The following FRMD4B variants were observed in gnomAD, a reference collection of about 807,000 sequenced individuals.
The protein encoded by FRMD4B is FERM domain containing 4B.
A neutral mutation model predicts 141.5 loss-of-function variants in FRMD4B; 74 were observed. The ratio of observed to expected loss-of-function variants is 0.52; its 90% CI spans 0.43 to 0.63. The LOEUF is 0.63. FRMD4B is among the 30% of genes least tolerant of loss of function. FRMD4B has a pLI of 0.00. For synonymous variants in FRMD4B, 506 were observed against 467.9 expected (o/e 1.08, Z -1.05); for missense variants, 1,366 against 1,253.4 (o/e 1.09, Z -1.36).
chr3:69,216,345 T>A lies in FRMD4B; in HGVS notation c.794A>T (p.Lys265Met). 1 of 1,528,722 alleles carries A rather than the reference T, an allele frequency of 6.5e-7. No individual in the cohort carries two copies. 94.7% of individuals were successfully genotyped at this position (1,528,722 alleles called of 1,614,324 possible). A position where few individuals can be genotyped will look rare whatever the true frequency, so the allele number is the denominator to read the frequency against. Residue 265 changes from lysine to methionine, a missense_variant, in exon 11 of 23, where the codon AAG (lysine) becomes ATG (methionine). Transcript: ENST00000398540. ...TCCAAGCCACCAAGGAAGTCCTTGC[T>A]TATCCTAGAAGATGAAAAAGCATGA... ...YGVHYYAVKD[K>M]QGLPWWLGIS...
intron 11 of FRMD4B, among the ~76,000 whole-genome samples, chr3:69,208,662 C>A (rs1472524798): frequency 2.0e-5 from 3 of 152,138 alleles, no homozygotes; most frequent in African/African-American, 7.2e-5. Context: ...ATGTCCCCTC[C>A]CTGCATCCCA....
intron 5 of FRMD4B, among the ~76,000 whole-genome samples, chr3:69,276,327 C>T (rs899415417): frequency 1.3e-5 from 2 of 152,144 alleles, no homozygotes; most frequent in African/African-American, 2.4e-5. Flanking sequence ...GGCTGGAGTG[C>T]AGTGGCACAG....
At position 69,262,868 on chromosome 3, in the gene FRMD4B, T is replaced by C. The variant is rs6776045; in HGVS notation, c.502-12769A>G. 1.6e-3 allele frequency among the ~76,000 whole-genome samples: 249 copies of C among 152,266 alleles called. 1 individual carries two copies. Among genetic ancestry groups the C allele is most frequent in the African/African-American group, 5.8e-3 (243 of 41,558 alleles). On this transcript the variant is annotated intron_variant, in intron 5 of 22. Coordinates refer to ENST00000398540, the MANE Select transcript of FRMD4B (RefSeq NM_015123.3). ...AGAATATGGATGAATCTCAAAAACA[T>C]AATTTGAGTAAAAACAGCCAGACAA...
At position 69,451,821 on chromosome 3, in the gene FRMD4B, C is replaced by T. The variant is rs144032268; in HGVS notation, c.-128-19060G>A. On this transcript the variant is annotated intron_variant, in intron 1 of 5. Coordinates refer to the FRMD4B transcript ENST00000459638. ...CAGCTCTGTACTAAGGCCCTGGCAACAGCCAGCACACAGCTGTTATGAGGA... is the reference window on the plus strand; with the variant it reads ...CAGCTCTGTACTAAGGCCCTGGCAATAGCCAGCACACAGCTGTTATGAGGA... Among the ~76,000 whole-genome samples, 47 of 152,298 alleles carry T rather than the reference C, an allele frequency of 3.1e-4. No individual in the cohort carries two copies. In the East Asian group the frequency reaches 7.9e-3, roughly 26 times the overall value.
intron 1 of FRMD4B, among the ~76,000 whole-genome samples, chr3:69,362,242 A>C (rs1166019891): frequency 6.6e-6 from 1 of 152,196 alleles, no homozygotes; most frequent in African/African-American, 2.4e-5. Flanking sequence ...TCCATTTTAC[A>C]GATGAGAACA....
intron 2 of FRMD4B, among the ~76,000 whole-genome samples, chr3:69,403,735 T>C (rs557675259): frequency 2.6e-5 from 4 of 152,194 alleles, no homozygotes; most frequent in Admixed American, 6.5e-5. Context: ...AGTTCAAGTA[T>C]ACTCCACTTA....
chr3:69,488,033 A>T (rs764338131), intron 1 of FRMD4B, among the ~76,000 whole-genome samples: 4 of 152,190 alleles, frequency 2.6e-5, no homozygotes, highest in Non-Finnish European at 4.4e-5. Flanking sequence ...AAAGGGAAAG[A>T]AAAAGAAAGA....
chr3:69,223,917 ACTTAC>A (rs2093223586), intron 8 of FRMD4B, among the ~76,000 whole-genome samples: 1 of 152,214 alleles, frequency 6.6e-6, no homozygotes, highest in African/African-American at 2.4e-5. Flanking sequence ...TAGCCTCAGT[ACTTAC>A]TTTCACTATA....
Position 69,216,342 on chromosome 3 carries a change from T to C in FRMD4B, c.797A>G (p.Gln266Arg). The change falls in exon 11 of 23, where the codon CAA (glutamine) becomes CGA (arginine). Residue 266 changes from glutamine to arginine, a missense_variant. Coordinates refer to ENST00000398540, the MANE Select transcript of FRMD4B (RefSeq NM_015123.3). ...GVHYYAVKDKQGLPWWLGISY... is the reference protein window; with the variant it reads ...GVHYYAVKDKRGLPWWLGISY... ...TATTCCAAGCCACCAAGGAAGTCCT[T>C]GCTTATCCTAGAAGATGAAAAAGCA... The C allele has an allele frequency of 6.5e-7, 1 of 1,537,068 alleles. No individual in the cohort carries two copies. The highest frequency in any genetic ancestry group is 1.2e-5 in the South Asian group (1 of 85,212).
At chr3:69,213,630 C>T (rs1008586046) in intron 11 of FRMD4B, among the ~76,000 whole-genome samples, 1 of 149,098 alleles carries the variant, frequency 6.7e-6, no homozygotes, top group African/African-American at 2.5e-5. Flanking sequence ...TCCTCTACTG[C>T]TTGTTGAATG....
At position 69,171,126 on chromosome 3, in the gene FRMD4B, A is replaced by T. The variant is rs966978502; in HGVS notation, c.*735T>A. 6.6e-6 allele frequency: 1 copy of T among 152,218 alleles called. No individual in the cohort carries two copies. The highest frequency in any genetic ancestry group is 2.4e-5 in the African/African-American group (1 of 41,452). 9.4% of individuals were successfully genotyped at this position (152,218 alleles called of 1,614,324 possible). On this transcript the variant is annotated 3_prime_UTR_variant, in exon 23 of 23. Coordinates refer to ENST00000398540, the MANE Select transcript of FRMD4B (RefSeq NM_015123.3). The stretch of plus-strand genomic sequence containing the variant: ...AAGGAGCTCCATGATATTGTACCTT[A>T]GAATGTTCTCCAAGCAGACTTTGTC...
At chr3:69,332,393 G>GGTCACTGA (rs1702398276) in intron 1 of FRMD4B, among the ~76,000 whole-genome samples, 1 of 152,112 alleles carries the variant, frequency 6.6e-6, no homozygotes, top group Admixed American at 6.5e-5. Context: ...TTACAGATGA[G>GGTCACTGA]GTCACTGAGG....
intron 5 of FRMD4B, among the ~76,000 whole-genome samples, chr3:69,266,304 G>A (rs1006843317): frequency 6.6e-6 from 1 of 152,156 alleles, no homozygotes; most frequent in African/African-American, 2.4e-5. Flanking sequence ...CCATTAAAGA[G>A]CATCAAAATG....
intron 6 of FRMD4B, among the ~76,000 whole-genome samples, chr3:69,249,547 G>A (rs2093447857): frequency 6.6e-6 from 1 of 152,124 alleles, no homozygotes; most frequent in Non-Finnish European, 1.5e-5. Flanking sequence ...CATTCAAGTG[G>A]CACACTTTTT....
chr3:69,497,729 A>T (rs1706426053), intron 1 of FRMD4B, among the ~76,000 whole-genome samples: 1 of 152,132 alleles, frequency 6.6e-6, no homozygotes, highest in Non-Finnish European at 1.5e-5. Flanking sequence ...TTTTTTTAAG[A>T]CATGGAGTCT....
chr3:69,480,607 G>A (rs9862383), intron 1 of FRMD4B, among the ~76,000 whole-genome samples: 3,745 of 152,270 alleles, frequency 0.025, 170 homozygotes, highest in African/African-American at 0.085. Flanking sequence ...TGAGGTGTCA[G>A]TCTGCCCCTA....
chr3:69,195,530 T>A (rs1484017785), intron 14 of FRMD4B, among the ~76,000 whole-genome samples, 166 bp from the exon 15 acceptor site: 1 of 152,212 alleles, frequency 6.6e-6, no homozygotes, highest in Non-Finnish European at 1.5e-5. Flanking sequence ...TTCTCATTCT[T>A]CTGGGCATCA....
chr3:69,324,703 T>C (rs1273173193), intron 1 of FRMD4B, among the ~76,000 whole-genome samples: 3 of 152,176 alleles, frequency 2.0e-5, no homozygotes, highest in Non-Finnish European at 4.4e-5. Context: ...TTTCAGATAA[T>C]AAGGGCTCTG....
intron 2 of FRMD4B, among the ~76,000 whole-genome samples, chr3:69,416,142 G>A (rs1174227517): frequency 2.6e-5 from 4 of 152,156 alleles, no homozygotes; most frequent in Admixed American, 6.5e-5. Context: ...TGTTTTGCAC[G>A]TGGTTCTGAG....
Sources: gnomAD v4.1 joint callset for allele counts (sites outside exome capture counted in the v4.1 genomes callset) on GRCh38, gnomAD v4.1.1 for gene constraint, MANE v1.5 for transcripts, NCBI Gene and HGNC (gene_info 2026-07-23, HGNC 2026-07-21) for gene names.